Variants in SNED1 observed in about 807,000 individuals in gnomAD.
The protein encoded by SNED1 is sushi, nidogen and EGF like domains 1.
Under a neutral mutation model 166.7 loss-of-function variants are expected in SNED1, and 81 were observed. The observed-to-expected ratio is 0.49, with a 90% CI of 0.41 to 0.58. The LOEUF (loss-of-function observed/expected upper bound fraction) is 0.58. Among genes scored for constraint, SNED1 ranks in the 20% least tolerant of loss-of-function variants. The probability of loss-of-function intolerance (pLI) is 0.00; values close to 1 mark genes in which losing one functional copy is unlikely to be tolerated. For missense variants in SNED1, 1,604 were observed against 2,000.2 expected (o/e 0.80, Z 3.78); for synonymous variants, 762 against 822.0 (o/e 0.93, Z 1.25).
At chr2:241,087,341 G>A in intron 29 of SNED1, 51 bp from the exon 30 acceptor site, 3 of 1,534,644 alleles carry the variant, frequency 2.0e-6, no homozygotes, top group Non-Finnish European at 2.6e-6. Flanking sequence ...TAAGCAGTTG[G>A]CAACATTTTG....
intron 1 of SNED1, among the ~76,000 whole-genome samples, chr2:241,008,178 G>A (rs1452556395): frequency 6.6e-6 from 1 of 152,244 alleles, no homozygotes; most frequent in African/African-American, 2.4e-5. Context: ...GGGCGTGGCA[G>A]GAATGCAGAC....
Position 241,067,960 on chromosome 2 carries a change from A to G in SNED1, c.3194+13A>G. 1 of 1,595,182 alleles carries G rather than the reference A, an allele frequency of 6.3e-7. No individual in the cohort carries two copies. The highest frequency in any genetic ancestry group is 8.6e-7 in the Non-Finnish European group (1 of 1,165,706). On this transcript the variant is annotated intron_variant, in intron 22 of 31. Transcript: ENST00000310397. Reference sequence around the variant, plus strand: ...GGTTCACCTTTAGGTAAGAAGGGACACCCAGAGCATGGGGCTGGGGTGAAG... The same window carrying G: ...GGTTCACCTTTAGGTAAGAAGGGACGCCCAGAGCATGGGGCTGGGGTGAAG...
intron 16 of SNED1, among the ~76,000 whole-genome samples, chr2:241,056,580 A>ATTTT (rs1172411061): frequency 5.4e-5 from 6 of 111,222 alleles, no homozygotes; most frequent in Admixed American, 1.1e-4. Flanking sequence ...AATAAGTGAA[A>ATTTT]TTTTTTTTTT....
intron 6 of SNED1, among the ~76,000 whole-genome samples, chr2:241,037,945 C>T (rs1208911744): frequency 6.6e-6 from 1 of 152,206 alleles, no homozygotes; most frequent in Non-Finnish European, 1.5e-5. Context: ...CTTGCCCTCC[C>T]AGTTCAGAGC....
intron 21 of SNED1, among the ~76,000 whole-genome samples, chr2:241,067,212 T>G (rs2062492032): frequency 6.6e-6 from 1 of 152,230 alleles, no homozygotes; most frequent in Non-Finnish European, 1.5e-5. Context: ...TGCCGGGAGC[T>G]GAGCGCTGCC....
At chr2:241,084,232 G>A (rs1241164454) in intron 29 of SNED1, among the ~76,000 whole-genome samples, 2 of 151,036 alleles carry the variant, frequency 1.3e-5, no homozygotes, top group Non-Finnish European at 2.9e-5. Context: ...TGCCTCCTGG[G>A]TTCAAGCAAT....
At chr2:241,063,772 T>C (rs2062320749) in intron 18 of SNED1, 72 bp downstream of exon 18, 1 of 1,114,946 alleles carries the variant, frequency 9.0e-7, no homozygotes, top group South Asian at 1.4e-5. Context: ...AGGTGGGGCA[T>C]CCCCACATTC....
intron 8 of SNED1, among the ~76,000 whole-genome samples, chr2:241,042,228 G>A (rs2061540732): frequency 6.6e-6 from 1 of 152,136 alleles, no homozygotes; most frequent in African/African-American, 2.4e-5. Context: ...GCAAGGCTGG[G>A]GAAAGAACCA....
At chr2:241,065,707 A>T in intron 21 of SNED1, 112 bp downstream of exon 21, 3 of 919,496 alleles carry the variant, frequency 3.3e-6, no homozygotes, top group Non-Finnish European at 4.9e-6. Flanking sequence ...TAGTTCTTGC[A>T]GCAGCAAGAC....
intron 8 of SNED1, among the ~76,000 whole-genome samples, chr2:241,043,292 C>G (rs34350103): frequency 0.27 from 40,871 of 151,916 alleles, 5,893 homozygotes; most frequent in Middle Eastern, 0.35. Flanking sequence ...TTACATACAG[C>G]GAAACAAGAA....
intron 2 of SNED1, among the ~76,000 whole-genome samples, chr2:241,032,291 A>G (rs1037355974): frequency 1.3e-5 from 2 of 152,020 alleles, no homozygotes; most frequent in African/African-American, 4.8e-5. Flanking sequence ...CAGAGGTTGC[A>G]GTGAGCCGAG....
Position 241,093,810 on chromosome 2 carries a change from C to CGTTT in SNED1, c.*2174_*2175insGTTT, listed in dbSNP as rs2064205709. ...TTTCCCATGTGGCTTCTTTTAAAAA[C>CGTTT]TCAAATGGCTTCCTTGAAAATACTC... On this transcript the variant is annotated 3_prime_UTR_variant, in exon 32 of 32. Transcript: ENST00000310397. The CGTTT allele has an allele frequency of 6.6e-6, 1 of 152,428 alleles. No homozygotes were observed. Among genetic ancestry groups the CGTTT allele is most frequent in the Non-Finnish European group, 1.5e-5 (1 of 68,218 alleles). The allele number at this position is 152,428 out of a possible 1,614,324, so 9.4% of individuals were successfully genotyped here.
chr2:241,025,096 A>T (rs1255931106), intron 1 of SNED1, among the ~76,000 whole-genome samples: 18 of 152,176 alleles, frequency 1.2e-4, no homozygotes, highest in Non-Finnish European at 4.4e-5. Context: ...CTGTGGCCTC[A>T]CAGCAGGCAG....
intron 16 of SNED1, among the ~76,000 whole-genome samples, chr2:241,059,784 C>T (rs1311065782): frequency 1.3e-5 from 2 of 152,210 alleles, no homozygotes; most frequent in African/African-American, 2.4e-5. Context: ...TGATAAAGGA[C>T]ATCCATTAAA....
Position 241,071,651 on chromosome 2 carries a change from C to A in SNED1, c.3665C>A (p.Pro1222Gln), listed in dbSNP as rs550355310. Residue 1222 changes from proline to glutamine, a missense_variant, in exon 25 of 32, where the codon CCG (proline) becomes CAG (glutamine). Pro to Gln is a moderately conservative substitution (Grantham distance 76). Around this residue, in one of 2 missense-constraint regions of SNED1, gnomAD observed 367 missense variants for 379.4 expected, o/e 0.97. Transcript: ENST00000310397. ...HPRVLKNRPPPARLPELRLLN... is the reference protein window; with the variant it reads ...HPRVLKNRPPQARLPELRLLN... ...CGGGTGCTCAAGAACAGACCGCCCC[C>A]GGCGCGCCTGCCGGAGCTGCGCCTG... is the stretch of plus-strand genomic sequence containing the variant. 2 of 1,572,374 alleles carry A rather than the reference C, an allele frequency of 1.3e-6. No homozygotes were observed. The highest frequency in any genetic ancestry group is 2.3e-5 in the South Asian group (2 of 86,434).
chr2:241,035,538 C>T (rs988317661), intron 4 of SNED1: 2 of 152,168 alleles, frequency 1.3e-5, no homozygotes, highest in African/African-American at 4.8e-5. Context: ...CATCACAAGC[C>T]CTGCCAAGCC....
In SNED1 at chr2:241,040,051, C is replaced by T. The variant is rs1440428143; in HGVS notation, c.1046-24C>T. The T allele has an allele frequency of 3.3e-6, 5 of 1,533,834 alleles. No individual in the cohort carries two copies. In the Admixed American group the frequency reaches 5.8e-5, roughly 18 times the overall value. ...GTAACCATAACTGGGAGTCCATCGT[C>T]CTGTCTACACCTCCTCACTCTAGCC... On this transcript the variant is annotated intron_variant, in intron 6 of 31. Transcript: ENST00000310397.
rs77042427 is a variant in SNED1 at position 241,008,177 on chromosome 2, A to G, written c.213+9127A>G. On this transcript the variant is annotated intron_variant, in intron 1 of 31. Coordinates refer to ENST00000310397, the MANE Select transcript of SNED1 (RefSeq NM_001080437.3). ...CTCCAGGGCCACCTGGGGGCGTGGC[A>G]GGAATGCAGACCACCCAGGGCAGAT... Among the ~76,000 whole-genome samples the G allele has an allele frequency of 0.032, 4,843 of 152,316 alleles. 516 individuals carry two copies. In the East Asian group the frequency reaches 0.32, roughly 10 times the overall value.
Position 241,065,543 on chromosome 2 carries a change from CA to C in SNED1, c.2959del (p.Ser987ValfsTer30). 6.2e-7 allele frequency: 1 copy of C among 1,612,906 alleles called. No homozygotes were observed. The highest frequency in any genetic ancestry group is 8.5e-7 in the Non-Finnish European group (1 of 1,179,848). ...NISVFSVKRN[S>X]NNKNDISRPA... Reference sequence around the variant, plus strand: ...TCTCCGTCTTCTCAGTGAAGCGAAACAGTAACAACAAGAATGACATCAGCAG... The same window carrying C: ...TCTCCGTCTTCTCAGTGAAGCGAAACGTAACAACAAGAATGACATCAGCAG... On this transcript the variant is annotated frameshift_variant, in exon 21 of 32. Coordinates refer to ENST00000310397, the MANE Select transcript of SNED1 (RefSeq NM_001080437.3). LOFTEE classifies it high-confidence loss of function.
Sources: allele counts gnomAD v4.1 joint callset (sites outside exome capture counted in the v4.1 genomes callset), GRCh38; gene constraint gnomAD v4.1.1; regional missense constraint gnomAD v4.1.1; transcripts MANE v1.5; gene names NCBI Gene and HGNC (gene_info 2026-07-23, HGNC 2026-07-21).